The following SVEP1 variants were observed in gnomAD, a reference collection of about 807,000 sequenced individuals.
The protein encoded by SVEP1 is sushi, von Willebrand factor type A, EGF and pentraxin domain containing 1.
SVEP1 carries 164 observed loss-of-function variants against 367.3 expected under a neutral mutation model. The ratio of observed to expected loss-of-function variants is 0.45; its 90% confidence interval spans 0.39 to 0.51. The LOEUF (loss-of-function observed/expected upper bound fraction) is 0.51, where lower values mean the gene tolerates loss of function less well. SVEP1 is among the 20% of genes least tolerant of loss of function. The probability of loss-of-function intolerance (pLI) is 0.00; values close to 1 mark genes in which losing one functional copy is unlikely to be tolerated. For synonymous variants in SVEP1, 1,666 were observed against 1,611.6 expected, an observed-to-expected ratio of 1.03 and a Z score of -0.81; for missense variants, 4,117 against 4,425.3, an observed-to-expected ratio of 0.93 and a Z score of 1.98.
At chr9:110,495,621 G>A (rs879659981) in intron 8 of SVEP1, among the ~76,000 whole-genome samples, 4 of 140,522 alleles carry the variant, frequency 2.8e-5, no homozygotes, top group Middle Eastern at 6.9e-3. Flanking sequence ...CCCCCCCGCC[G>A]CCCCCAGTGT....
At chr9:110,521,857 GA>G (rs1829879665) in intron 3 of SVEP1, among the ~76,000 whole-genome samples, 1 of 151,986 alleles carries the variant, frequency 6.6e-6, no homozygotes, top group Non-Finnish European at 1.5e-5. Context: ...GTAAGAAAGA[GA>G]AAAAAATTGC....
intron 44 of SVEP1, among the ~76,000 whole-genome samples, chr9:110,378,217 C>A (rs1345806068): frequency 6.6e-6 from 1 of 152,184 alleles, no homozygotes; most frequent in Admixed American, 6.5e-5. Flanking sequence ...ACACAACACT[C>A]ATTCTGACTT....
chr9:110,528,087 T>TAC (rs552771438), intron 3 of SVEP1, among the ~76,000 whole-genome samples: 5,043 of 144,242 alleles, frequency 0.035, 126 homozygotes, highest in Non-Finnish European at 0.055. Context: ...TATATATATA[T>TAC]ACACACACAC....
chr9:110,430,120 T>A, intron 33 of SVEP1, 116 bp from the exon 34 acceptor site: 1 of 1,210,422 alleles, frequency 8.3e-7, no homozygotes, highest in East Asian at 2.6e-5. Flanking sequence ...TTTTTTTTTT[T>A]TTGGTGTGTG....
intron 3 of SVEP1, among the ~76,000 whole-genome samples, chr9:110,542,432 T>TC (rs1830163283): frequency 6.6e-6 from 1 of 152,176 alleles, no homozygotes; most frequent in East Asian, 1.9e-4. Flanking sequence ...TGAGGATAAA[T>TC]ACTCAGAATT....
intron 6 of SVEP1, among the ~76,000 whole-genome samples, chr9:110,499,510 T>C (rs1400240898): frequency 6.6e-6 from 1 of 152,200 alleles, no homozygotes; most frequent in Non-Finnish European, 1.5e-5. Context: ...CTTTTATCAT[T>C]TGCTTGGAGC....
chr9:110,414,231 A>G (rs1444107766), intron 36 of SVEP1, among the ~76,000 whole-genome samples: 1 of 152,042 alleles, frequency 6.6e-6, no homozygotes, highest in Non-Finnish European at 1.5e-5. Flanking sequence ...TTTTAGTTTT[A>G]TAAAGCATCA....
chr9:110,465,778 T>G (rs1421271780), intron 18 of SVEP1, 87 bp downstream of exon 18: 2 of 1,445,340 alleles, frequency 1.4e-6, no homozygotes, highest in African/African-American at 2.8e-5. Flanking sequence ...ATAGAGTAGA[T>G]GTATGTTTTT....
At chr9:110,422,971 G>A (rs1180990260) in intron 36 of SVEP1, among the ~76,000 whole-genome samples, 2 of 121,874 alleles carry the variant, frequency 1.6e-5, no homozygotes, top group Non-Finnish European at 3.3e-5. Flanking sequence ...GGACTGTGGT[G>A]GGGTCGGGGG....
In SVEP1 at chr9:110,431,410, G is replaced by A. The variant is rs371127075; in HGVS notation, c.5353+505C>T. Among the ~76,000 whole-genome samples, 67 of 152,250 alleles carry A rather than the reference G, an allele frequency of 4.4e-4. 1 individual carries two copies. The East Asian group carries it at 0.011, about 26-fold the overall frequency. On this transcript the variant is annotated intron_variant, in intron 32 of 47. Coordinates refer to ENST00000374469, the MANE Select transcript of SVEP1 (RefSeq NM_153366.4). ...CCAGGAGTTACTCTTCACAACAAAT[G>A]AAGAAATACAACAACGGGTTGAGAG...
At chr9:110,472,388 A>G in intron 14 of SVEP1, 65 bp from the exon 15 acceptor site, 1 of 1,457,866 alleles carries the variant, frequency 6.9e-7, no homozygotes, top group Non-Finnish European at 9.1e-7. Flanking sequence ...TTCAGGTTCT[A>G]ATGTTAAGCC....
chr9:110,493,463 GT>G (rs369939820), intron 8 of SVEP1, among the ~76,000 whole-genome samples: 130 of 152,202 alleles, frequency 8.5e-4, no homozygotes, highest in African/African-American at 3.0e-3. Flanking sequence ...GCCAGGCACG[GT>G]TGGCTCATGC....
At chr9:110,478,677 T>A (rs1209172560) in intron 13 of SVEP1, among the ~76,000 whole-genome samples, 1 of 152,210 alleles carries the variant, frequency 6.6e-6, no homozygotes. Flanking sequence ...TTTCTCTTTT[T>A]GGAATTTGGT....
chr9:110,497,096 A>G (rs1829462290), intron 7 of SVEP1, among the ~76,000 whole-genome samples, 163 bp from the exon 8 acceptor site: 1 of 152,170 alleles, frequency 6.6e-6, no homozygotes, highest in Admixed American at 6.5e-5. Context: ...CTGATCATTT[A>G]TCTCAGCATG....
At chr9:110,487,248 C>T (rs1829294655) in intron 9 of SVEP1, among the ~76,000 whole-genome samples, 1 of 152,176 alleles carries the variant, frequency 6.6e-6, no homozygotes, top group Non-Finnish European at 1.5e-5. Flanking sequence ...AGCCATCACA[C>T]CTGGCCCTCT....
chr9:110,494,649 AAAGACT>A (rs1290504280), intron 8 of SVEP1, among the ~76,000 whole-genome samples: 2 of 152,314 alleles, frequency 1.3e-5, no homozygotes, highest in East Asian at 3.9e-4. Context: ...GACAAAAGAC[AAAGACT>A]TAGTACAAGG....
Position 110,445,904 on chromosome 9 carries a change from C to T in SVEP1, c.4396G>A (p.Gly1466Arg). The T allele has an allele frequency of 1.2e-6, 2 of 1,613,896 alleles. No individual in the cohort carries two copies. The highest frequency in any genetic ancestry group is 1.7e-6 in the Non-Finnish European group (2 of 1,179,844). The change falls in exon 26 of 48, where the codon GGA (glycine) becomes AGA (arginine). Residue 1466 changes from glycine (G) to arginine (R), a missense_variant. By Grantham distance (125) the Gly-to-Arg change is moderately radical. Transcript: ENST00000374469. ...TCAACTGCATAGGAGATTGGTGTTC[C>T]ATAGTTCATGTCGTCAGAGGATTTC... ...WMKSSDDMNY[G>R]TPISYAVDNG...
At chr9:110,461,023 G>A (rs1324132858) in intron 18 of SVEP1, among the ~76,000 whole-genome samples, 1 of 152,092 alleles carries the variant, frequency 6.6e-6, no homozygotes, top group African/African-American at 2.4e-5. Flanking sequence ...GTATTCGTCG[G>A]TCTGGAAATC....
At chr9:110,435,417 G>A in intron 28 of SVEP1, 53 bp from the exon 29 acceptor site, 2 of 1,587,326 alleles carry the variant, frequency 1.3e-6, no homozygotes, top group Non-Finnish European at 1.7e-6. Context: ...TTAAGATGGA[G>A]TTATTACACA....
Sources: allele counts gnomAD v4.1 joint callset (sites outside exome capture counted in the v4.1 genomes callset), GRCh38; gene constraint gnomAD v4.1.1; transcripts MANE v1.5; gene names NCBI Gene and HGNC (gene_info 2026-07-23, HGNC 2026-07-21).